The following GCNT1 variants were observed in gnomAD, a reference collection of about 807,000 sequenced individuals.
GCNT1 encodes the protein beta-1,3-galactosyl-O-glycosyl-glycoprotein beta-1,6-N-acetylglucosaminyltransferase.
Under a neutral mutation model 26.2 loss-of-function variants are expected in GCNT1, and 16 were observed. The observed-to-expected ratio is 0.61, with a 90% confidence interval of 0.41 to 0.93. GCNT1 has a LOEUF of 0.93. Among genes scored for constraint, GCNT1 ranks in the 40% least tolerant of loss-of-function variants. GCNT1 has a pLI of 0.00. For missense variants in GCNT1, 477 were observed against 526.7 expected (o/e 0.91, Z 0.92); for synonymous variants, 183 against 190.8 (o/e 0.96, Z 0.34).
chr9:76,412,470 A>C, the GCNT1 span, among the ~76,000 whole-genome samples: 1 of 152,132 alleles, frequency 6.6e-6, no homozygotes, highest in African/African-American at 2.4e-5. Context: ...AAATTTCCTT[A>C]GTGTTTGTTG....
intron 2 of GCNT1, among the ~76,000 whole-genome samples, chr9:76,465,845 C>T (rs1298669887): frequency 6.6e-6 from 1 of 152,144 alleles, no homozygotes; most frequent in Non-Finnish European, 1.5e-5. Flanking sequence ...AAGGATGATT[C>T]AAAAGTTTCT....
chr9:76,410,387 G>A, the GCNT1 span, among the ~76,000 whole-genome samples: 1 of 152,148 alleles, frequency 6.6e-6, no homozygotes, highest in African/African-American at 2.4e-5. Context: ...AGCTGAGATT[G>A]TGCCATTACA....
chr9:76,457,311 C>A (rs556133713), upstream of GCNT1, among the ~76,000 whole-genome samples: 33 of 152,222 alleles, frequency 2.2e-4, no homozygotes, highest in Non-Finnish European at 4.1e-4. Flanking sequence ...TGCAGTGGCA[C>A]GATCTCAGCT....
upstream of GCNT1, among the ~76,000 whole-genome samples, chr9:76,415,893 A>C (rs1215626877): frequency 3.9e-5 from 6 of 152,030 alleles, no homozygotes; most frequent in African/African-American, 1.5e-4. Context: ...TTTTTGTTCC[A>C]CTGCCAAGAT....
At chr9:76,427,584 G>A (rs1360469232) in intron 1 of GCNT1, among the ~76,000 whole-genome samples, 1 of 152,084 alleles carries the variant, frequency 6.6e-6, no homozygotes, top group Non-Finnish European at 1.5e-5. Flanking sequence ...TGACATATCA[G>A]TTATACTTTT....
intron 2 of GCNT1, among the ~76,000 whole-genome samples, chr9:76,491,304 C>T (rs1201243009): frequency 6.6e-6 from 1 of 152,012 alleles, no homozygotes; most frequent in Admixed American, 6.6e-5. Flanking sequence ...TGCTGCTGTT[C>T]TCCTCTCCTT....
At chr9:76,469,733 G>C (rs1204817210) in intron 2 of GCNT1, among the ~76,000 whole-genome samples, 1 of 152,164 alleles carries the variant, frequency 6.6e-6, no homozygotes, top group East Asian at 1.9e-4. Context: ...CGGGCTAAAG[G>C]CTTGCCATTG....
intron 1 of GCNT1, among the ~76,000 whole-genome samples, chr9:76,422,805 A>C (rs973340203): frequency 3.9e-5 from 6 of 152,216 alleles, no homozygotes; most frequent in African/African-American, 1.4e-4. Flanking sequence ...TGCCTGCCTC[A>C]GCCTCCCAGA....
Position 76,504,616 on chromosome 9 carries a change from T to G in GCNT1, c.*948T>G, listed in dbSNP as rs1457384280. 1 of 411,822 alleles carries G rather than the reference T, an allele frequency of 2.4e-6. No individual in the cohort carries two copies. The highest frequency in any genetic ancestry group is 2.1e-5 in the African/African-American group (1 of 48,596). The allele number at this position is 411,822 out of a possible 1,614,324, so 25.5% of individuals were successfully genotyped here. ...TGGGAGGGGGGAGAAAAGGAATGTA[T>G]TTAAACAATTTCCGATGCCCATGAT... On this transcript the variant is annotated 3_prime_UTR_variant, in exon 4 of 4. Transcript: ENST00000376730.
At chr9:76,402,678 G>A in the GCNT1 span, among the ~76,000 whole-genome samples, 2,651 of 126,894 alleles carry the variant, frequency 0.021, 91 homozygotes, top group African/African-American at 0.076. Flanking sequence ...ATGTTTATTT[G>A]GCTGATTTTT....
chr9:76,502,262 C>A lies in GCNT1; in HGVS notation c.-120C>A. Reference sequence around the variant, plus strand: ...AGTGCTGCTCTTCATTTCAAGATGCCGTTGCAGCTCTGATAAATGCAAACT... The same window carrying A: ...AGTGCTGCTCTTCATTTCAAGATGCAGTTGCAGCTCTGATAAATGCAAACT... On this transcript the variant is annotated 5_prime_UTR_variant, in exon 4 of 4. Coordinates refer to ENST00000376730, the MANE Select transcript of GCNT1 (RefSeq NM_001490.5). 1.9e-6 allele frequency: 1 copy of A among 514,520 alleles called. No homozygotes were observed. The highest frequency in any genetic ancestry group is 2.8e-5 in the East Asian group (1 of 35,902). 31.9% of individuals were successfully genotyped at this position (514,520 alleles called of 1,614,324 possible).
chr9:76,495,004 C>T (rs528008686), intron 2 of GCNT1, among the ~76,000 whole-genome samples: 1 of 152,300 alleles, frequency 6.6e-6, no homozygotes, highest in Non-Finnish European at 1.5e-5. Context: ...TCCCAGAAAA[C>T]CTGACACCCG....
chr9:76,428,697 C>CAA (rs1823293115), intron 1 of GCNT1, among the ~76,000 whole-genome samples: 1 of 113,676 alleles, frequency 8.8e-6, no homozygotes, highest in Non-Finnish European at 1.9e-5. Flanking sequence ...GTTGCGTATT[C>CAA]TATTTTTTTT....
At chr9:76,407,369 A>T in the GCNT1 span, among the ~76,000 whole-genome samples, 2 of 151,212 alleles carry the variant, frequency 1.3e-5, no homozygotes, top group African/African-American at 2.4e-5. Flanking sequence ...TTTCTTGAAC[A>T]CTCTTGTCCA....
intron 2 of GCNT1, among the ~76,000 whole-genome samples, chr9:76,464,743 T>A (rs1823957063): frequency 2.0e-5 from 3 of 152,232 alleles, no homozygotes; most frequent in African/African-American, 7.2e-5. Flanking sequence ...CATCAAGTCC[T>A]GAGTCCTTCA....
the GCNT1 span, chr9:76,399,229 G>A: frequency 1.2e-5 from 18 of 1,501,086 alleles, no homozygotes; most frequent in Non-Finnish European, 1.6e-5. Context: ...TGTGGTAGAT[G>A]CTGGCTCGGG....
chr9:76,465,116 G>A (rs1005884215), intron 2 of GCNT1, among the ~76,000 whole-genome samples: 1 of 151,958 alleles, frequency 6.6e-6, no homozygotes, highest in African/African-American at 2.4e-5. Flanking sequence ...CCTTGTAGCT[G>A]GGACTGCATA....
chr9:76,417,665 G>T (rs1011671468), upstream of GCNT1, among the ~76,000 whole-genome samples: 9 of 152,178 alleles, frequency 5.9e-5, no homozygotes, highest in African/African-American at 1.9e-4. Context: ...AAAGGCATCT[G>T]TATTTTCAGG....
intron 2 of GCNT1, among the ~76,000 whole-genome samples, chr9:76,464,185 A>T (rs1489612159): frequency 6.6e-6 from 1 of 151,858 alleles, no homozygotes; most frequent in Admixed American, 6.6e-5. Context: ...AGGATTTTGG[A>T]CTTTAATGTC....
Sources: allele counts gnomAD v4.1 joint callset (sites outside exome capture counted in the v4.1 genomes callset), GRCh38; gene constraint gnomAD v4.1.1; transcripts MANE v1.5; gene names NCBI Gene and HGNC (gene_info 2026-07-23, HGNC 2026-07-21).